The following ERBB4 variants were observed in gnomAD, a reference collection of about 807,000 sequenced individuals.
ERBB4 encodes the protein receptor tyrosine-protein kinase erbB-4.
A neutral mutation model predicts 158.0 loss-of-function variants in ERBB4; 42 were observed. The ratio of observed to expected loss-of-function variants is 0.27; its 90% CI spans 0.21 to 0.34. The LOEUF (loss-of-function observed/expected upper bound fraction) is 0.34, where lower values mean the gene tolerates loss of function less well. Among genes scored for constraint, ERBB4 ranks in the 10% least tolerant of loss-of-function variants. The pLI is 1.00. For missense variants in ERBB4, 1,333 were observed against 1,624.1 expected (o/e 0.82, Z 3.08); for synonymous variants, 583 against 558.7 (o/e 1.04, Z -0.61).
At chr2:211,443,165 T>C (rs529314745) in intron 20 of ERBB4, among the ~76,000 whole-genome samples, 1 of 152,132 alleles carries the variant, frequency 6.6e-6, no homozygotes, top group South Asian at 2.1e-4. Flanking sequence ...AAAGAAGAAA[T>C]TCCCAGCAGT....
At chr2:211,524,213 C>A (rs1023513631) in intron 20 of ERBB4, among the ~76,000 whole-genome samples, 9 of 152,012 alleles carry the variant, frequency 5.9e-5, no homozygotes, top group African/African-American at 2.2e-4. Flanking sequence ...ATTCACAGAC[C>A]CTGAGCTAAA....
Position 211,856,366 on chromosome 2 carries a change from C to CTATTTATTTATTTATT in ERBB4, c.422-68223_422-68208dup, listed in dbSNP as rs33972622. 3.3e-3 allele frequency among the ~76,000 whole-genome samples: 469 copies of CTATTTATTTATTTATT among 140,686 alleles called. 2 individuals carry two copies. The highest frequency in any genetic ancestry group is 7.9e-3 in the East Asian group (37 of 4,700). The allele number at this position is 140,686 out of a possible 152,430, so 92.3% of individuals were successfully genotyped here. On this transcript the variant is annotated intron_variant, in intron 3 of 27. Transcript: ENST00000342788. Reference sequence around the variant, plus strand: ...TCAGCCCTAGCTAGTCTTGTAATTTCTATTTATTTATTTATTTATTTATTT... The same window carrying CTATTTATTTATTTATT: ...TCAGCCCTAGCTAGTCTTGTAATTTCTATTTATTTATTTATTTATTTATTTATTTATTTATTTATTT...
intron 16 of ERBB4, among the ~76,000 whole-genome samples, chr2:211,652,766 G>T (rs1404259350): frequency 6.6e-6 from 1 of 152,118 alleles, no homozygotes; most frequent in Admixed American, 6.6e-5. Context: ...TAGAATAATT[G>T]AATTGGAGCA....
intron 4 of ERBB4, among the ~76,000 whole-genome samples, chr2:211,753,853 GA>G (rs1296415287): frequency 7.8e-6 from 1 of 127,582 alleles, no homozygotes; most frequent in Non-Finnish European, 1.7e-5. Context: ...CAAAAGTCCT[GA>G]TTTTTTTTTT....
chr2:211,496,197 T>C (rs1293766083), intron 20 of ERBB4, among the ~76,000 whole-genome samples: 7 of 152,056 alleles, frequency 4.6e-5, no homozygotes, highest in Admixed American at 4.6e-4. Flanking sequence ...ACTTTTTCTC[T>C]TTTTTATGTA....
chr2:212,281,593 C>G (rs1410308444), intron 1 of ERBB4, among the ~76,000 whole-genome samples: 1 of 151,780 alleles, frequency 6.6e-6, no homozygotes, highest in Non-Finnish European at 1.5e-5. Context: ...TCTTTCAGTT[C>G]TTTCCATCTT....
intron 2 of ERBB4, among the ~76,000 whole-genome samples, chr2:211,967,500 T>C (rs1352102250): frequency 2.0e-5 from 3 of 151,990 alleles, no homozygotes; most frequent in Non-Finnish European, 4.4e-5. Flanking sequence ...GTGTGGTGGA[T>C]AAAATGAAGA....
chr2:211,547,217 T>G (rs2066964477), intron 20 of ERBB4, among the ~76,000 whole-genome samples: 1 of 152,088 alleles, frequency 6.6e-6, no homozygotes, highest in Non-Finnish European at 1.5e-5. Context: ...TTTTGGAAAC[T>G]TCCTGTGAAT....
intron 1 of ERBB4, among the ~76,000 whole-genome samples, chr2:212,512,518 T>C (rs1241815627): frequency 6.6e-6 from 1 of 152,200 alleles, no homozygotes; most frequent in Non-Finnish European, 1.5e-5. Context: ...TTTGTTTGTT[T>C]CCATTTCTAG....
intron 1 of ERBB4, among the ~76,000 whole-genome samples, chr2:212,243,036 A>G (rs2084172759): frequency 1.3e-5 from 2 of 152,162 alleles, no homozygotes; most frequent in Admixed American, 1.3e-4. Flanking sequence ...CAGATGGTGT[A>G]CTGAGTTCTC....
intron 1 of ERBB4, among the ~76,000 whole-genome samples, chr2:212,209,993 T>C (rs1365139503): frequency 6.6e-6 from 1 of 151,980 alleles, no homozygotes; most frequent in Non-Finnish European, 1.5e-5. Flanking sequence ...ATAGAATAGG[T>C]AGAAAAGTCA....
intron 4 of ERBB4, among the ~76,000 whole-genome samples, chr2:211,754,332 A>C (rs2075231589): frequency 6.6e-6 from 1 of 152,146 alleles, no homozygotes; most frequent in African/African-American, 2.4e-5. Context: ...GGGTTTTGCC[A>C]ATGCTGTCCA....
chr2:211,684,019 C>A (rs185614582), intron 12 of ERBB4, among the ~76,000 whole-genome samples: 43 of 151,950 alleles, frequency 2.8e-4, no homozygotes, highest in African/African-American at 1.0e-3. Context: ...TATTTTTGAC[C>A]ACTGTAATTA....
intron 25 of ERBB4, among the ~76,000 whole-genome samples, chr2:211,390,384 A>G (rs898204577): frequency 2.2e-4 from 33 of 152,304 alleles, no homozygotes; most frequent in African/African-American, 7.9e-4. Context: ...TATATATTAG[A>G]ATGCCAGGTA....
chr2:212,075,133 A>T (rs2078236575), intron 2 of ERBB4, among the ~76,000 whole-genome samples: 1 of 151,990 alleles, frequency 6.6e-6, no homozygotes, highest in Non-Finnish European at 1.5e-5. Context: ...TCTTAAAATT[A>T]AAGCACTTAA....
chr2:212,128,789 T>C (rs2080020558), intron 1 of ERBB4, among the ~76,000 whole-genome samples: 1 of 152,122 alleles, frequency 6.6e-6, no homozygotes, highest in African/African-American at 2.4e-5. Context: ...TGTTCTCTTA[T>C]TATTAAAACA....
intron 7 of ERBB4, among the ~76,000 whole-genome samples, chr2:211,717,016 T>C (rs1239061255): frequency 6.6e-6 from 1 of 152,164 alleles, no homozygotes; most frequent in East Asian, 1.9e-4. Flanking sequence ...AGGGCTATAG[T>C]AAAGAAAAGG....
rs548804313 is a variant in ERBB4 at position 211,795,804 on chromosome 2, G to A, written c.422-7645C>T. On this transcript the variant is annotated intron_variant, in intron 3 of 27. Coordinates refer to ENST00000342788, the MANE Select transcript of ERBB4 (RefSeq NM_005235.3). ...AATGAAGTCAACGAGCCACAGCTAGGTGCATGGAAGGAAGGGAATTAAAGT... is the reference window on the plus strand; with the variant it reads ...AATGAAGTCAACGAGCCACAGCTAGATGCATGGAAGGAAGGGAATTAAAGT... 5.8e-4 allele frequency among the ~76,000 whole-genome samples: 88 copies of A among 151,902 alleles called. 1 individual carries two copies. Among genetic ancestry groups the A allele is most frequent in the Middle Eastern group, 3.4e-3 (1 of 294 alleles).
At chr2:212,386,739 T>C (rs2090689891) in intron 1 of ERBB4, among the ~76,000 whole-genome samples, 1 of 152,038 alleles carries the variant, frequency 6.6e-6, no homozygotes, top group Admixed American at 6.6e-5. Flanking sequence ...TGGAATAAGC[T>C]CACTACCCTC....
Sources: gnomAD v4.1 joint callset for allele counts (sites outside exome capture counted in the v4.1 genomes callset) on GRCh38, gnomAD v4.1.1 for gene constraint, MANE v1.5 for transcripts, NCBI Gene and HGNC (gene_info 2026-07-23, HGNC 2026-07-21) for gene names.